The following TMEM26 variants were observed in gnomAD, a reference collection of about 807,000 sequenced individuals.
The protein encoded by TMEM26 is transmembrane protein 26.
In TMEM26, 38 loss-of-function variants were observed where a neutral mutation model predicts 28.8. The ratio of observed to expected loss-of-function variants is 1.32; its 90% confidence interval spans 1.02 to 1.73. The LOEUF (loss-of-function observed/expected upper bound fraction) is 1.73, where lower values mean the gene tolerates loss of function less well. Among genes scored for constraint, TMEM26 ranks in the 40% most tolerant of loss-of-function variants. The pLI, the probability that TMEM26 is intolerant of heterozygous loss-of-function variation, is 0.00. For synonymous variants in TMEM26, 227 were observed against 182.9 expected (o/e 1.24, Z -1.95); for missense variants, 518 against 447.1 (o/e 1.16, Z -1.43).
intron 4 of TMEM26, among the ~76,000 whole-genome samples, chr10:61,425,891 A>T (rs1839823457): frequency 6.6e-6 from 1 of 152,176 alleles, no homozygotes; most frequent in African/African-American, 2.4e-5. Flanking sequence ...AGATTTTTTT[A>T]AAAATTAAAG....
Position 61,410,598 on chromosome 10 carries a change from G to A in TMEM26, c.831C>T (p.Thr277=), listed in dbSNP as rs1839553936. The change falls in exon 6 of 6, where the codon ACC becomes ACT. Residue 277 remains threonine (T), a synonymous_variant. Transcript: ENST00000399298. ...PFLVVRLILM[T]YFKVINQMLV... ...GCATCTGATTGATCACTTTGAAATA[G>A]GTCATCAGTATGAGACGCACGACAA... is the stretch of plus-strand genomic sequence containing the variant. The A allele has an allele frequency of 6.2e-7, 1 of 1,613,966 alleles. No individual in the cohort carries two copies. Among genetic ancestry groups the A allele is most frequent in the Admixed American group, 1.7e-5 (1 of 59,980 alleles).
intron 5 of TMEM26, among the ~76,000 whole-genome samples, chr10:61,411,476 C>A (rs570921046): frequency 8.6e-4 from 131 of 152,346 alleles, no homozygotes; most frequent in Admixed American, 1.8e-3. Context: ...TGTTGGTTTA[C>A]ACACTCAAGC....
intron 1 of TMEM26, 51 bp downstream of exon 1, chr10:61,452,840 G>T (rs768265561): frequency 2.5e-6 from 4 of 1,577,508 alleles, no homozygotes; most frequent in Non-Finnish European, 3.5e-6. Context: ...GTGCGGTGGG[G>T]GACAATACCC....
intron 4 of TMEM26, among the ~76,000 whole-genome samples, chr10:61,421,674 C>T (rs940564914): frequency 5.3e-5 from 8 of 152,022 alleles, no homozygotes; most frequent in African/African-American, 1.9e-4. Context: ...TGCTAGCCAC[C>T]ACCAGAAACT....
At chr10:61,429,277 C>T in intron 3 of TMEM26, 131 bp from the exon 4 acceptor site, 2 of 711,618 alleles carry the variant, frequency 2.8e-6, no homozygotes, top group South Asian at 1.9e-5. Context: ...TCTTTACTTA[C>T]TAAAGAAAGT....
intron 4 of TMEM26, among the ~76,000 whole-genome samples, chr10:61,426,163 A>G (rs1230404854): frequency 6.6e-6 from 1 of 152,152 alleles, no homozygotes; most frequent in Non-Finnish European, 1.5e-5. Context: ...TGTTACATAA[A>G]AAAGCCACAC....
chr10:61,442,856 T>A (rs1840116191), intron 1 of TMEM26, among the ~76,000 whole-genome samples: 1 of 152,166 alleles, frequency 6.6e-6, no homozygotes, highest in South Asian at 2.1e-4. Context: ...TGTTAGTGTG[T>A]AAGGGGAATA....
At chr10:61,447,040 A>G (rs1840196248) in intron 1 of TMEM26, among the ~76,000 whole-genome samples, 1 of 152,112 alleles carries the variant, frequency 6.6e-6, no homozygotes, top group African/African-American at 2.4e-5. Context: ...CAGATACACT[A>G]AAAAGCTAAA....
rs1383219334 is a variant in TMEM26, at chr10:61,410,609, T to A, written c.820A>T (p.Ile274Leu). Residue 274 changes from isoleucine to leucine, a missense_variant, in exon 6 of 6, where the codon ATA becomes TTA. Transcript: ENST00000399298. Reference protein sequence around the residue: ...QDGPFLVVRLILMTYFKVINQ... With the variant: ...QDGPFLVVRLLLMTYFKVINQ... Reference sequence around the variant, plus strand: ...ATCACTTTGAAATAGGTCATCAGTATGAGACGCACGACAAGGAAGGGGCCA... The same window carrying A: ...ATCACTTTGAAATAGGTCATCAGTAAGAGACGCACGACAAGGAAGGGGCCA... The A allele has an allele frequency of 6.2e-7, 1 of 1,613,862 alleles. No homozygotes were observed. Among genetic ancestry groups the A allele is most frequent in the Non-Finnish European group, 8.5e-7 (1 of 1,179,818 alleles).
intron 2 of TMEM26, among the ~76,000 whole-genome samples, chr10:61,432,097 G>A (rs942465442): frequency 2.6e-5 from 4 of 152,058 alleles, no homozygotes; most frequent in Non-Finnish European, 5.9e-5. Context: ...TCCACAGTGT[G>A]TGTCTGTGTG....
At chr10:61,425,300 A>G (rs1414126880) in intron 4 of TMEM26, among the ~76,000 whole-genome samples, 1 of 152,158 alleles carries the variant, frequency 6.6e-6, no homozygotes, top group Non-Finnish European at 1.5e-5. Context: ...GAATTGTGGG[A>G]GTTACAATTC....
intron 4 of TMEM26, among the ~76,000 whole-genome samples, chr10:61,418,318 C>G (rs1839687715): frequency 1.3e-5 from 2 of 152,036 alleles, no homozygotes; most frequent in Non-Finnish European, 2.9e-5. Flanking sequence ...TACCCTCTCA[C>G]AGAGGCTGGG....
chr10:61,428,737 A>G (rs1248570266), intron 4 of TMEM26, among the ~76,000 whole-genome samples, 189 bp downstream of exon 4: 3 of 152,104 alleles, frequency 2.0e-5, no homozygotes, highest in Non-Finnish European at 4.4e-5. Flanking sequence ...TCCTTTGTGT[A>G]TTTCTTAAAA....
chr10:61,425,615 A>G (rs1839818489), intron 4 of TMEM26, among the ~76,000 whole-genome samples: 1 of 152,180 alleles, frequency 6.6e-6, no homozygotes, highest in African/African-American at 2.4e-5. Flanking sequence ...CAATCCAATA[A>G]AACATGAAGA....
chr10:61,410,504 A>G lies in TMEM26; in HGVS notation c.925T>C (p.Leu309=). ...CTTCTCAACGAAGCACGGACTGCCA[A>G]TGCCAGCACCACCAAGCGGTAGAGT... The part of the protein sequence containing the change: ...LQLYRLVVLA[L]AVRASLRSQS... Residue 309 remains leucine, a synonymous_variant, in exon 6 of 6, where the codon TTG becomes CTG. Coordinates refer to ENST00000399298, the MANE Select transcript of TMEM26 (RefSeq NM_178505.8). 1 of 1,614,088 alleles carries G rather than the reference A, an allele frequency of 6.2e-7. No homozygotes were observed.
At chr10:61,441,081 G>C (rs537372661) in intron 1 of TMEM26, among the ~76,000 whole-genome samples, 1 of 152,078 alleles carries the variant, frequency 6.6e-6, no homozygotes, top group Non-Finnish European at 1.5e-5. Flanking sequence ...GTATTTTATT[G>C]TGTTTTTTTT....
intron 1 of TMEM26, among the ~76,000 whole-genome samples, chr10:61,441,764 C>A (rs1255358921): frequency 6.6e-6 from 1 of 152,078 alleles, no homozygotes; most frequent in Non-Finnish European, 1.5e-5. Context: ...AGCTATCTGC[C>A]CTTAGAAACT....
chr10:61,428,066 G>T (rs1389766491), intron 4 of TMEM26, among the ~76,000 whole-genome samples: 1 of 151,956 alleles, frequency 6.6e-6, no homozygotes, highest in Non-Finnish European at 1.5e-5. Flanking sequence ...GCTATAATTG[G>T]GATATTAAAT....
At chr10:61,425,563 C>T (rs1337666375) in intron 4 of TMEM26, among the ~76,000 whole-genome samples, 2 of 151,930 alleles carry the variant, frequency 1.3e-5, no homozygotes, top group Non-Finnish European at 1.5e-5. Flanking sequence ...GGACTTGTAT[C>T]AAGGATATAT....
Sources: gnomAD v4.1 joint callset for allele counts (sites outside exome capture counted in the v4.1 genomes callset) on GRCh38, gnomAD v4.1.1 for gene constraint, MANE v1.5 for transcripts, NCBI Gene and HGNC (gene_info 2026-07-23, HGNC 2026-07-21) for gene names.